TMCO5A: variants seen among roughly 807,000 people sequenced by gnomAD.
TMCO5A encodes the protein transmembrane and coiled-coil domains 5A.
A neutral mutation model predicts 42.3 loss-of-function variants in TMCO5A; 34 were observed. The observed-to-expected ratio is 0.80, with a 90% CI of 0.61 to 1.07. The LOEUF (loss-of-function observed/expected upper bound fraction) is 1.07, where lower values mean the gene tolerates loss of function less well. Among genes scored for constraint, TMCO5A ranks in the 50% least tolerant of loss-of-function variants. The pLI, the probability that TMCO5A is intolerant of heterozygous loss-of-function variation, is 0.00. For synonymous variants in TMCO5A, 131 were observed against 115.6 expected (o/e 1.13, Z -0.86); for missense variants, 357 against 327.9 (o/e 1.09, Z -0.69).
intron 6 of TMCO5A, 116 bp from the exon 7 acceptor site, chr15:37,941,033 G>A (rs186167856): frequency 7.6e-5 from 65 of 852,004 alleles, no homozygotes; most frequent in African/African-American, 5.0e-4. Context: ...ATCAGGAGAC[G>A]TGTGAAGTCA....
downstream of TMCO5A, among the ~76,000 whole-genome samples, chr15:37,970,131 A>G (rs573926583): frequency 6.6e-6 from 1 of 152,312 alleles, no homozygotes; most frequent in Admixed American, 6.5e-5. Flanking sequence ...GCTAATTTAC[A>G]GTCTGTATTA....
the TMCO5A span, among the ~76,000 whole-genome samples, chr15:38,022,889 TAAAG>T: frequency 3.9e-5 from 6 of 152,224 alleles, no homozygotes; most frequent in South Asian, 2.1e-4. Context: ...AAAATCAATA[TAAAG>T]AAAGTATGAA....
At chr15:37,998,834 A>G in the TMCO5A span, among the ~76,000 whole-genome samples, 2,359 of 152,246 alleles carry the variant, frequency 0.015, 63 homozygotes, top group African/African-American at 0.054. Flanking sequence ...CATGAACACG[A>G]AATAACTTTC....
At chr15:37,947,727 A>G (rs1208685322) in intron 11 of TMCO5A, 31 bp downstream of exon 11, 3 of 1,504,246 alleles carry the variant, frequency 2.0e-6, no homozygotes, top group Admixed American at 1.7e-5. Flanking sequence ...TAAACTTCCT[A>G]TAAAATTGGG....
the TMCO5A span, among the ~76,000 whole-genome samples, chr15:37,979,105 A>T: frequency 6.6e-6 from 1 of 151,844 alleles, no homozygotes; most frequent in African/African-American, 2.4e-5. Context: ...AATACTGGGG[A>T]TTATAATTTA....
the TMCO5A span, among the ~76,000 whole-genome samples, chr15:37,987,798 T>C: frequency 1.3e-5 from 2 of 152,002 alleles, no homozygotes; most frequent in African/African-American, 4.8e-5. Context: ...TCAGGAAGTA[T>C]AAGCCTCCCA....
the TMCO5A span, among the ~76,000 whole-genome samples, chr15:38,007,872 C>CT: frequency 4.3e-3 from 204 of 47,406 alleles, 66 homozygotes; most frequent in Admixed American, 5.9e-3. Context: ...CTCACCCACA[C>CT]TTTTTTTTTT....
At chr15:37,947,082 G>A (rs954760261) in intron 10 of TMCO5A, among the ~76,000 whole-genome samples, 12 of 151,934 alleles carry the variant, frequency 7.9e-5, no homozygotes, top group Non-Finnish European at 1.3e-4. Flanking sequence ...AATTTTATCA[G>A]AGGCCTTTTA....
intron 11 of TMCO5A, among the ~76,000 whole-genome samples, chr15:37,960,663 C>A (rs28765994): frequency 6.6e-6 from 1 of 152,066 alleles, no homozygotes; most frequent in Non-Finnish European, 1.5e-5. Context: ...TAGAAGTGTT[C>A]CCTCTTCACC....
chr15:38,030,885 G>A, the TMCO5A span, among the ~76,000 whole-genome samples: 1 of 152,014 alleles, frequency 6.6e-6, no homozygotes, highest in Non-Finnish European at 1.5e-5. Context: ...TATGCCTTTC[G>A]AAATGACCTC....
chr15:37,941,064 G>A, intron 6 of TMCO5A, 85 bp from the exon 7 acceptor site: 1 of 1,324,998 alleles, frequency 7.5e-7, no homozygotes, highest in Non-Finnish European at 1.1e-6. Context: ...GCTCCTCACA[G>A]CTCGTGAGGC....
chr15:38,030,813 C>T, the TMCO5A span, among the ~76,000 whole-genome samples: 305 of 152,262 alleles, frequency 2.0e-3, 2 homozygotes, highest in African/African-American at 6.9e-3. Flanking sequence ...CCCACTCATC[C>T]TTTGGGTCCC....
At chr15:37,971,617 C>T (rs988585959), downstream of TMCO5A, among the ~76,000 whole-genome samples, 1 of 152,156 alleles carries the variant, frequency 6.6e-6, no homozygotes, top group Non-Finnish European at 1.5e-5. Flanking sequence ...TATGCTGTTT[C>T]CCTTTTAAAA....
At chr15:38,001,296 T>C in the TMCO5A span, among the ~76,000 whole-genome samples, 8 of 152,124 alleles carry the variant, frequency 5.3e-5, no homozygotes, top group African/African-American at 1.7e-4. Flanking sequence ...TTGAAATCTA[T>C]TTTGTATGAT....
chr15:37,943,383 C>A lies in TMCO5A; in HGVS notation c.612C>A (p.Thr204=), dbSNP rs2140271131. 2 of 1,612,348 alleles carry A rather than the reference C, an allele frequency of 1.2e-6. No homozygotes were observed. The highest frequency in any genetic ancestry group is 4.5e-5 in the East Asian group (2 of 44,728). Residue 204 remains threonine (T), a synonymous_variant, in exon 10 of 12, where the codon ACC becomes ACA. Coordinates refer to ENST00000319669, the MANE Select transcript of TMCO5A (RefSeq NM_152453.4). ...TGAACCCTGTGGAAAAAGAGCATAC[C>A]AGCCAAAATAATGAGGTAAACACTC... ...VSMNPVEKEH[T]SQNNEGTPTQ...
intron 2 of TMCO5A, 29 bp downstream of exon 2, chr15:37,935,377 C>T (rs1176514831): frequency 6.6e-6 from 1 of 152,256 alleles, no homozygotes; most frequent in Non-Finnish European, 1.5e-5. Flanking sequence ...GCCTCATCTT[C>T]CAGCCTCCTT....
chr15:38,009,744 C>T, the TMCO5A span, among the ~76,000 whole-genome samples: 1 of 152,162 alleles, frequency 6.6e-6, no homozygotes, highest in Non-Finnish European at 1.5e-5. Context: ...GCTGTGTGAC[C>T]TGAGTCAAGT....
At chr15:37,957,568 C>A (rs1428870678) in intron 11 of TMCO5A, among the ~76,000 whole-genome samples, 1 of 152,056 alleles carries the variant, frequency 6.6e-6, no homozygotes, top group Non-Finnish European at 1.5e-5. Flanking sequence ...GAACTACAAA[C>A]CACTCCTCAA....
chr15:38,006,369 G>T, the TMCO5A span, among the ~76,000 whole-genome samples: 1 of 152,168 alleles, frequency 6.6e-6, no homozygotes, highest in South Asian at 2.1e-4. Context: ...TGTTGTATGG[G>T]AGTTAGAGAA....
Sources: allele counts gnomAD v4.1 joint callset (sites outside exome capture counted in the v4.1 genomes callset), GRCh38; gene constraint gnomAD v4.1.1; transcripts MANE v1.5; gene names NCBI Gene and HGNC (gene_info 2026-07-23, HGNC 2026-07-21).